CYP3A5: variants seen among roughly 807,000 people sequenced by gnomAD.
The protein encoded by CYP3A5 is cytochrome P450 family 3 subfamily A member 5.
In CYP3A5, 51 loss-of-function variants were observed where a neutral mutation model predicts 55.9. The observed-to-expected ratio is 0.91, with a 90% CI of 0.73 to 1.15. The LOEUF (loss-of-function observed/expected upper bound fraction) is 1.15. CYP3A5 is among the 50% of genes most tolerant of loss of function. The pLI, the probability that CYP3A5 is intolerant of heterozygous loss-of-function variation, is 0.00. For synonymous variants in CYP3A5, 196 were observed against 213.9 expected (o/e 0.92, Z 0.73); for missense variants, 533 against 596.6 (o/e 0.89, Z 1.11).
At chr7:99,675,244 C>G (rs1350685603) in intron 2 of CYP3A5, among the ~76,000 whole-genome samples, 2 of 152,210 alleles carry the variant, frequency 1.3e-5, no homozygotes, top group African/African-American at 2.4e-5. Context: ...TCTGAGCTTT[C>G]ACTTCTGAAA....
At chr7:99,652,906 T>C in intron 10 of CYP3A5, 127 bp from the exon 11 acceptor site, 4 of 705,160 alleles carry the variant, frequency 5.7e-6, no homozygotes, top group South Asian at 1.9e-5. Context: ...ATCATAGTAT[T>C]CGTGAAGTAT....
chr7:99,674,155 T>C (rs141137432), intron 3 of CYP3A5: 240 of 165,538 alleles, frequency 1.4e-3, no homozygotes, highest in African/African-American at 5.3e-3. Flanking sequence ...ATTTCAACTT[T>C]ACACAAAAAT....
At position 99,665,259 on chromosome 7, in the gene CYP3A5, T is replaced by G. The variant is rs370657167; in HGVS notation, c.577A>C (p.Ile193Leu). 3 of 1,614,114 alleles carry G rather than the reference T, an allele frequency of 1.9e-6. No individual in the cohort carries two copies. Among genetic ancestry groups the G allele is most frequent in the Non-Finnish European group, 2.5e-6 (3 of 1,180,028 alleles). Residue 193 changes from isoleucine (I) to leucine (L), a missense_variant, in exon 7 of 13, where the codon ATC (isoleucine) becomes CTC (leucine). Coordinates refer to ENST00000222982, the MANE Select transcript of CYP3A5 (RefSeq NM_000777.5). ...VITGTSFGVNIDSLNNPQDPF... is the reference protein window; with the variant it reads ...VITGTSFGVNLDSLNNPQDPF... ...TCTTGTGGATTGTTGAGAGAGTCGATGTTCACTCCAAATGATGTGCCAGTA... is the reference window on the plus strand; with the variant it reads ...TCTTGTGGATTGTTGAGAGAGTCGAGGTTCACTCCAAATGATGTGCCAGTA...
chr7:99,668,315 G>A (rs1811239189), intron 4 of CYP3A5, among the ~76,000 whole-genome samples: 2 of 152,274 alleles, frequency 1.3e-5, no homozygotes, highest in African/African-American at 4.8e-5. Context: ...ATATTCACGG[G>A]ATGAAAGGCT....
At chr7:99,672,197 G>A (rs1811725921) in intron 4 of CYP3A5, among the ~76,000 whole-genome samples, 1 of 151,990 alleles carries the variant, frequency 6.6e-6, no homozygotes, top group South Asian at 2.1e-4. Flanking sequence ...GACTACAGGC[G>A]CATGCCACCA....
intron 9 of CYP3A5, among the ~76,000 whole-genome samples, chr7:99,661,179 A>G (rs1198819566): frequency 6.6e-6 from 1 of 152,204 alleles, no homozygotes; most frequent in African/African-American, 2.4e-5. Flanking sequence ...ATACTGAGCT[A>G]CAGATCACCT....
At chr7:99,658,550 A>G (rs1238001493) in intron 10 of CYP3A5, among the ~76,000 whole-genome samples, 1 of 152,000 alleles carries the variant, frequency 6.6e-6, no homozygotes, top group Non-Finnish European at 1.5e-5. Context: ...GAATCTGACA[A>G]TTATGTGTCT....
intron 10 of CYP3A5, among the ~76,000 whole-genome samples, chr7:99,655,805 A>G (rs1809664477): frequency 6.6e-6 from 1 of 152,168 alleles, no homozygotes; most frequent in Non-Finnish European, 1.5e-5. Context: ...ATCCCTTGTA[A>G]GTTGAATTCC....
intron 10 of CYP3A5, among the ~76,000 whole-genome samples, chr7:99,656,413 G>T (rs1252401553): frequency 6.6e-6 from 1 of 152,198 alleles, no homozygotes; most frequent in Non-Finnish European, 1.5e-5. Context: ...AACCAGCCTT[G>T]CATCCCAGGG....
intron 12 of CYP3A5, among the ~76,000 whole-genome samples, chr7:99,649,583 G>T (rs1031958834): frequency 6.6e-6 from 1 of 152,154 alleles, no homozygotes; most frequent in African/African-American, 2.4e-5. Context: ...CCGACAGCAT[G>T]ACAGAACCTA....
At chr7:99,671,536 T>A in intron 4 of CYP3A5, 1 of 347,398 alleles carries the variant, frequency 2.9e-6, no homozygotes, top group Non-Finnish European at 5.3e-6. Context: ...ACAGCCATAG[T>A]CCACAGAAAA....
intron 10 of CYP3A5, among the ~76,000 whole-genome samples, chr7:99,656,451 A>C (rs1053030257): frequency 6.6e-6 from 1 of 152,162 alleles, no homozygotes; most frequent in Non-Finnish European, 1.5e-5. Flanking sequence ...ATGGTGGATA[A>C]GCTTTTTGAT....
At chr7:99,657,838 T>C (rs1034252644) in intron 10 of CYP3A5, among the ~76,000 whole-genome samples, 1 of 152,226 alleles carries the variant, frequency 6.6e-6, no homozygotes, top group Non-Finnish European at 1.5e-5. Context: ...CATTATGTAA[T>C]GGCCTTCTTT....
chr7:99,652,705 G>C lies in CYP3A5; in HGVS notation c.1101C>G (p.Phe367Leu). Reference sequence around the variant, plus strand: ...TCCTCTCAAGTCTAATAGCAACTGGGAATAATCTGAGTGTTTCATTCACCA... The same window carrying C: ...TCCTCTCAAGTCTAATAGCAACTGGCAATAATCTGAGTGTTTCATTCACCA... ...DMVVNETLRL[F>L]PVAIRLERTC... The change falls in exon 11 of 13, where the codon TTC becomes TTG. Residue 367 changes from phenylalanine (F) to leucine (L), a missense_variant. Transcript: ENST00000222982. The C allele has an allele frequency of 6.2e-7, 1 of 1,614,096 alleles. No homozygotes were observed. The highest frequency in any genetic ancestry group is 8.5e-7 in the Non-Finnish European group (1 of 1,180,006).
At chr7:99,678,629 T>G (rs961462804) in intron 1 of CYP3A5, among the ~76,000 whole-genome samples, 1 of 152,216 alleles carries the variant, frequency 6.6e-6, no homozygotes, top group African/African-American at 2.4e-5. Flanking sequence ...TGTTTTACCA[T>G]CCAGAAGGAA....
At chr7:99,677,230 G>A in intron 1 of CYP3A5, 4 of 985,450 alleles carry the variant, frequency 4.1e-6, no homozygotes, top group Non-Finnish European at 4.8e-6. Flanking sequence ...GTGACTGAGG[G>A]ATGGAAAACT....
intron 11 of CYP3A5, chr7:99,652,303 A>G (rs535059341): frequency 7.1e-6 from 2 of 281,486 alleles, no homozygotes; most frequent in East Asian, 6.4e-5. Flanking sequence ...AAAAATCTAT[A>G]TAGGCGTAGA....
intron 4 of CYP3A5, among the ~76,000 whole-genome samples, chr7:99,672,335 C>T (rs1330723009): frequency 6.6e-6 from 1 of 152,086 alleles, no homozygotes; most frequent in African/African-American, 2.4e-5. Flanking sequence ...CAGGCATGAG[C>T]CATTATGCCC....
rs182475281 is a variant in CYP3A5 at position 99,676,612 on chromosome 7, C to T, written c.72-404G>A. The T allele has an allele frequency of 2.5e-3, 3,137 of 1,270,910 alleles. 3 individuals are homozygous for T. The highest frequency in any genetic ancestry group is 3.0e-3 in the Non-Finnish European group (2,810 of 947,902). 78.7% of individuals were successfully genotyped at this position (1,270,910 alleles called of 1,614,324 possible). On this transcript the variant is annotated intron_variant, in intron 1 of 12. Transcript: ENST00000222982. ...AGAGTAAGATTTTTTTTGTCTTTTG[C>T]ACTGATGATGAGATTTTGCATCACT...
Sources: allele counts gnomAD v4.1 joint callset (sites outside exome capture counted in the v4.1 genomes callset), GRCh38; gene constraint gnomAD v4.1.1; transcripts MANE v1.5; gene names NCBI Gene and HGNC (gene_info 2026-07-23, HGNC 2026-07-21).